Variants in PACRG observed in about 807,000 individuals in gnomAD.
PACRG encodes the protein parkin coregulated gene protein.
A neutral mutation model predicts 29.7 loss-of-function variants in PACRG; 29 were observed. The ratio of observed to expected loss-of-function variants is 0.98; its 90% CI spans 0.73 to 1.33. PACRG has a LOEUF of 1.33. Ranked by LOEUF, PACRG falls within the 40% of genes most tolerant of loss-of-function variation. The pLI is 0.00. For synonymous variants in PACRG, 116 were observed against 118.7 expected (o/e 0.98, Z 0.15); for missense variants, 279 against 316.2 (o/e 0.88, Z 0.89).
intron 4 of PACRG, among the ~76,000 whole-genome samples, chr6:163,253,791 G>T (rs1324635935): frequency 6.6e-6 from 1 of 152,194 alleles, no homozygotes; most frequent in Non-Finnish European, 1.5e-5. Context: ...TCCACTCTTG[G>T]ATAATCATTC....
At chr6:162,851,348 C>G (rs1472623843) in intron 2 of PACRG, among the ~76,000 whole-genome samples, 1 of 152,192 alleles carries the variant, frequency 6.6e-6, no homozygotes, top group African/African-American at 2.4e-5. Flanking sequence ...CATTCCCACA[C>G]ACGTTCTCTT....
At chr6:163,221,801 C>A (rs1045060189) in intron 4 of PACRG, among the ~76,000 whole-genome samples, 1 of 152,102 alleles carries the variant, frequency 6.6e-6, no homozygotes, top group Non-Finnish European at 1.5e-5. Flanking sequence ...ACAGCAAGGC[C>A]TTTGCCTATT....
At chr6:162,956,071 GTTGC>G (rs1800007910) in intron 2 of PACRG, among the ~76,000 whole-genome samples, 1 of 152,168 alleles carries the variant, frequency 6.6e-6, no homozygotes, top group African/African-American at 2.4e-5. Flanking sequence ...CACATACCCT[GTTGC>G]TTGCACTGAG....
chr6:163,224,721 G>A (rs929562303), intron 4 of PACRG, among the ~76,000 whole-genome samples: 3 of 152,186 alleles, frequency 2.0e-5, no homozygotes, highest in Admixed American at 1.3e-4. Flanking sequence ...AGTTGGAACT[G>A]TAAAACTGCT....
Position 163,315,156 on chromosome 6 carries a change from C to A in PACRG, c.*169C>A. 1.5e-6 allele frequency: 1 copy of A among 684,686 alleles called. No homozygotes were observed. Among genetic ancestry groups the A allele is most frequent in the Non-Finnish European group, 2.4e-6 (1 of 418,810 alleles). The allele number at this position is 684,686 out of a possible 1,614,324, so 42.4% of individuals were successfully genotyped here. ...TAGCCCTATTGAGAGCAAGGCTTTC[C>A]AATACATAAATAGTGTCTGTTTCTT... On this transcript the variant is annotated 3_prime_UTR_variant, in exon 5 of 5. Transcript: ENST00000366888.
chr6:162,850,280 G>C (rs1164135294), intron 2 of PACRG, among the ~76,000 whole-genome samples: 1 of 152,178 alleles, frequency 6.6e-6, no homozygotes, highest in Non-Finnish European at 1.5e-5. Flanking sequence ...GATAGAGTAG[G>C]CATGCATAGA....
intron 4 of PACRG, among the ~76,000 whole-genome samples, chr6:163,159,725 G>T (rs1268962451): frequency 6.6e-6 from 1 of 152,164 alleles, no homozygotes; most frequent in Non-Finnish European, 1.5e-5. Context: ...AGGGTGTCGA[G>T]TGTTCTCTCG....
chr6:162,747,438 CTA>C (rs71813457), intron 1 of PACRG, among the ~76,000 whole-genome samples: 8,641 of 45,558 alleles, frequency 0.19, 2,017 homozygotes, highest in African/African-American at 0.33. Flanking sequence ...ATATGTAAAA[CTA>C]TATATATATA....
chr6:163,042,814 T>A (rs991606996), intron 2 of PACRG: 2 of 152,188 alleles, frequency 1.3e-5, no homozygotes, highest in Non-Finnish European at 2.9e-5. Flanking sequence ...ATTAAAAACT[T>A]GTCAAGGTTT....
At chr6:162,956,876 G>A (rs931279965) in intron 2 of PACRG, among the ~76,000 whole-genome samples, 33 of 152,158 alleles carry the variant, frequency 2.2e-4, no homozygotes, top group African/African-American at 6.3e-4. Flanking sequence ...CTGGAGGGGA[G>A]GGACACAGTG....
At chr6:163,166,122 G>A (rs774267127) in intron 4 of PACRG, 13 of 456,136 alleles carry the variant, frequency 2.9e-5, no homozygotes, top group South Asian at 1.7e-4. Context: ...GGCTTGGCGC[G>A]GGGTTTCTGG....
rs139591251 is a variant in PACRG, at chr6:163,059,619, C to T, written c.292-2531C>T. The stretch of plus-strand genomic sequence containing the variant: ...AACAACAAAGCCTGAGAGGCAGTGC[C>T]GTGTCATATAGCCAGACTGCTTGGG... On this transcript the variant is annotated intron_variant, in intron 2 of 4. Transcript: ENST00000366888. 6.6e-3 allele frequency among the ~76,000 whole-genome samples: 1,007 copies of T among 152,260 alleles called. 5 individuals carry two copies. The highest frequency in any genetic ancestry group is 0.017 in the African/African-American group (713 of 41,544).
intron 4 of PACRG, among the ~76,000 whole-genome samples, chr6:163,263,289 A>G (rs1193315520): frequency 6.6e-6 from 1 of 151,830 alleles, no homozygotes; most frequent in Non-Finnish European, 1.5e-5. Context: ...AGACTTGAAC[A>G]GGCTAACTGA....
chr6:162,845,197 TAAAAATA>T (rs560528959), intron 2 of PACRG, among the ~76,000 whole-genome samples: 400 of 152,228 alleles, frequency 2.6e-3, no homozygotes, highest in African/African-American at 9.1e-3. Flanking sequence ...AGCAATGCAG[TAAAAATA>T]CTTCAGACAA....
At chr6:162,935,507 T>A (rs1020864141) in intron 2 of PACRG, among the ~76,000 whole-genome samples, 9 of 151,994 alleles carry the variant, frequency 5.9e-5, no homozygotes, top group African/African-American at 1.7e-4. Context: ...TATTTTTTTT[T>A]ATTTCCCTCA....
intron 4 of PACRG, among the ~76,000 whole-genome samples, chr6:163,302,237 T>C (rs1409898882): frequency 1.3e-5 from 2 of 148,338 alleles, no homozygotes; most frequent in East Asian, 3.9e-4. Context: ...CTCTCTCTCT[T>C]TTTTTTGTTT....
intron 4 of PACRG, among the ~76,000 whole-genome samples, chr6:163,260,905 A>G (rs1473543265): frequency 6.6e-6 from 1 of 152,094 alleles, no homozygotes; most frequent in Non-Finnish European, 1.5e-5. Context: ...CCATGTCTGT[A>G]AGGTAGATGC....
chr6:163,288,058 T>C (rs1465284692), intron 4 of PACRG, among the ~76,000 whole-genome samples: 1 of 152,238 alleles, frequency 6.6e-6, no homozygotes, highest in African/African-American at 2.4e-5. Flanking sequence ...TTCTGTATCA[T>C]CTTTTTAGTT....
At chr6:163,155,302 C>T (rs1036471834) in intron 4 of PACRG, among the ~76,000 whole-genome samples, 9 of 152,208 alleles carry the variant, frequency 5.9e-5, no homozygotes, top group Non-Finnish European at 1.3e-4. Flanking sequence ...AGAGGAGGCT[C>T]GTCCCTCCAT....
Sources: gnomAD v4.1 joint callset for allele counts (sites outside exome capture counted in the v4.1 genomes callset) on GRCh38, gnomAD v4.1.1 for gene constraint, MANE v1.5 for transcripts, NCBI Gene and HGNC (gene_info 2026-07-23, HGNC 2026-07-21) for gene names.